The following NTN4 variants were observed in gnomAD, a reference collection of about 807,000 sequenced individuals.
NTN4 encodes the protein netrin-4.
Under a neutral mutation model 73.6 loss-of-function variants are expected in NTN4, and 32 were observed. The ratio of observed to expected loss-of-function variants is 0.44; its 90% CI spans 0.33 to 0.58. The LOEUF (loss-of-function observed/expected upper bound fraction) is 0.58. Among genes scored for constraint, NTN4 ranks in the 20% least tolerant of loss-of-function variants. The pLI is 0.04. For missense variants in NTN4, 654 were observed against 798.3 expected (o/e 0.82, Z 2.18); for synonymous variants, 258 against 287.5 (o/e 0.90, Z 1.04).
At chr12:95,702,367 GA>G (rs2078492042) in intron 5 of NTN4, among the ~76,000 whole-genome samples, 1 of 149,324 alleles carries the variant, frequency 6.7e-6, no homozygotes, top group Non-Finnish European at 1.5e-5. Context: ...GGAAAAAACA[GA>G]AACAGCCATC....
At chr12:95,733,455 G>A (rs942293894) in intron 3 of NTN4, among the ~76,000 whole-genome samples, 2 of 152,200 alleles carry the variant, frequency 1.3e-5, no homozygotes, top group African/African-American at 2.4e-5. Context: ...TAATACAATA[G>A]AATCATGACA....
At chr12:95,730,425 A>G (rs1012832949) in intron 3 of NTN4, among the ~76,000 whole-genome samples, 6 of 152,150 alleles carry the variant, frequency 3.9e-5, no homozygotes, top group African/African-American at 1.4e-4. Context: ...TGTTCTGGGG[A>G]AACTCTTGAA....
chr12:95,764,570 C>A (rs977235383), intron 2 of NTN4, among the ~76,000 whole-genome samples: 1 of 151,390 alleles, frequency 6.6e-6, no homozygotes, highest in Non-Finnish European at 1.5e-5. Context: ...GAGGCTGAGG[C>A]AGGAGAATTG....
At chr12:95,766,850 G>A (rs573494259) in intron 2 of NTN4, among the ~76,000 whole-genome samples, 133 of 152,312 alleles carry the variant, frequency 8.7e-4, no homozygotes, top group Admixed American at 2.1e-3. Context: ...GTTGACTCAC[G>A]TTGATCTCAG....
chr12:95,682,420 CCT>C (rs1165471945), intron 7 of NTN4, among the ~76,000 whole-genome samples: 2 of 120,128 alleles, frequency 1.7e-5, no homozygotes, highest in Non-Finnish European at 3.5e-5. Flanking sequence ...TTTTGGGTGA[CCT>C]CTTTTTTTTT....
At chr12:95,663,819 G>GTATA (rs1457933709) in intron 9 of NTN4, among the ~76,000 whole-genome samples, 1 of 152,186 alleles carries the variant, frequency 6.6e-6, no homozygotes, top group African/African-American at 2.4e-5. Context: ...TGATTAGGAA[G>GTATA]TATAGTTCAC....
At chr12:95,747,624 G>A (rs2078871735) in intron 2 of NTN4, among the ~76,000 whole-genome samples, 1 of 151,974 alleles carries the variant, frequency 6.6e-6, no homozygotes, top group African/African-American at 2.4e-5. Flanking sequence ...TTTTGTGTGT[G>A]TGTTTATGCT....
chr12:95,716,487 T>C (rs1288126319), intron 3 of NTN4, among the ~76,000 whole-genome samples: 1 of 152,198 alleles, frequency 6.6e-6, no homozygotes, highest in Non-Finnish European at 1.5e-5. Context: ...TGCAGATCCA[T>C]TGAAGATTTT....
chr12:95,788,761 C>G (rs2079186857), intron 1 of NTN4, among the ~76,000 whole-genome samples: 4 of 152,156 alleles, frequency 2.6e-5, no homozygotes, highest in Non-Finnish European at 5.9e-5. Context: ...TGCATTATGC[C>G]TGGGTTCTGT....
chr12:95,699,875 T>C (rs2078470069), intron 5 of NTN4, among the ~76,000 whole-genome samples: 1 of 152,152 alleles, frequency 6.6e-6, no homozygotes, highest in Non-Finnish European at 1.5e-5. Flanking sequence ...TGACAGAGAA[T>C]GAATTCTGCT....
At chr12:95,695,631 C>T (rs2121035190) in intron 5 of NTN4, among the ~76,000 whole-genome samples, 1 of 152,290 alleles carries the variant, frequency 6.6e-6, no homozygotes, top group South Asian at 2.1e-4. Flanking sequence ...TCCCAAAGTG[C>T]TGGGATTACA....
chr12:95,737,112 C>T (rs2078783480), intron 3 of NTN4, among the ~76,000 whole-genome samples: 1 of 152,192 alleles, frequency 6.6e-6, no homozygotes, highest in African/African-American at 2.4e-5. Flanking sequence ...AAGGTGCTTA[C>T]TGCTGAGCCA....
chr12:95,713,121 C>T (rs2078577540), intron 4 of NTN4, 91 bp downstream of exon 4: 1 of 1,483,972 alleles, frequency 6.7e-7, no homozygotes, highest in Non-Finnish European at 9.2e-7. Context: ...TCACCCACCA[C>T]TTTGTGTTGT....
chr12:95,671,533 T>G (rs1379045225), intron 7 of NTN4, among the ~76,000 whole-genome samples: 1 of 152,178 alleles, frequency 6.6e-6, no homozygotes, highest in Non-Finnish European at 1.5e-5. Context: ...TACTGTGAAC[T>G]GTGCATGTGA....
chr12:95,695,453 C>A (rs758350805), intron 5 of NTN4, among the ~76,000 whole-genome samples: 1 of 152,102 alleles, frequency 6.6e-6, no homozygotes, highest in Non-Finnish European at 1.5e-5. Flanking sequence ...CAACCTCCAC[C>A]TCCTGGGTTC....
intron 2 of NTN4, among the ~76,000 whole-genome samples, chr12:95,763,107 G>C (rs1565912083): frequency 6.6e-6 from 1 of 152,074 alleles, no homozygotes. Flanking sequence ...TTTACTTATT[G>C]AGGAAATGCT....
chr12:95,733,885 C>T (rs1464541949), intron 3 of NTN4, among the ~76,000 whole-genome samples: 1 of 151,946 alleles, frequency 6.6e-6, no homozygotes, highest in Admixed American at 6.6e-5. Context: ...GCCTGGCCTA[C>T]AGGGCGAAAC....
intron 3 of NTN4, among the ~76,000 whole-genome samples, chr12:95,727,753 T>C (rs1459781736): frequency 5.3e-5 from 8 of 152,212 alleles, no homozygotes; most frequent in Non-Finnish European, 1.2e-4. Context: ...ACTTTGCTGT[T>C]CTTCAAGGTT....
chr12:95,776,362 C>A (rs558442267), intron 2 of NTN4, among the ~76,000 whole-genome samples: 1 of 152,088 alleles, frequency 6.6e-6, no homozygotes, highest in African/African-American at 2.4e-5. Flanking sequence ...CAAACTTCTC[C>A]GAGCTAAAGG....
Sources: gnomAD v4.1 joint callset for allele counts (sites outside exome capture counted in the v4.1 genomes callset) on GRCh38, gnomAD v4.1.1 for gene constraint, MANE v1.5 for transcripts, NCBI Gene and HGNC (gene_info 2026-07-23, HGNC 2026-07-21) for gene names.